H6PD: variants seen among roughly 807,000 people sequenced by gnomAD.
H6PD encodes the protein hexose-6-phosphate dehydrogenase/glucose 1-dehydrogenase.
A neutral mutation model predicts 61.2 loss-of-function variants in H6PD; 48 were observed. That is an observed-to-expected ratio of 0.78 (90% CI 0.62 to 1.00). The LOEUF is 1.00. Ranked by LOEUF, H6PD falls within the 50% of genes least tolerant of loss-of-function variation. The pLI, the probability that H6PD is intolerant of heterozygous loss-of-function variation, is 0.00. For missense variants in H6PD, 1,093 were observed against 1,065.0 expected, an observed-to-expected ratio of 1.03 and a Z score of -0.37; for synonymous variants, 480 against 457.9, an observed-to-expected ratio of 1.05 and a Z score of -0.62.
In H6PD at chr1:9,263,953, C is replaced by A; in HGVS notation, c.1460C>A (p.Thr487Asn). 1.2e-6 allele frequency: 2 copies of A among 1,614,198 alleles called. No individual in the cohort carries two copies. Among genetic ancestry groups the A allele is most frequent in the Non-Finnish European group, 1.7e-6 (2 of 1,180,010 alleles). The change falls in exon 5 of 5, where the codon ACC (threonine) becomes AAC (asparagine). Residue 487 changes from threonine (T) to asparagine (N), a missense_variant. By Grantham distance (65) the Thr-to-Asn change is moderately conservative (BLOSUM62 0). Transcript: ENST00000377403. ...TTGCTGGCCTCCTGGAACTTCTGGACCCCTCTGCTGGAGAGCCTGGCCCAT... is the reference window on the plus strand; with the variant it reads ...TTGCTGGCCTCCTGGAACTTCTGGAACCCTCTGCTGGAGAGCCTGGCCCAT... ...ENLLASWNFW[T>N]PLLESLAHKA...
intron 3 of H6PD, among the ~76,000 whole-genome samples, chr1:9,258,931 G>C (rs1269764396): frequency 1.3e-5 from 2 of 152,106 alleles, no homozygotes; most frequent in African/African-American, 4.8e-5. Context: ...TGTTATGCCA[G>C]TGTTACATTG....
intron 3 of H6PD, among the ~76,000 whole-genome samples, chr1:9,256,309 G>A (rs1435017094): frequency 1.3e-5 from 2 of 152,152 alleles, no homozygotes; most frequent in African/African-American, 4.8e-5. Flanking sequence ...GGCACAGTTG[G>A]GCTGGACTTC....
At chr1:9,257,144 CTTT>C (rs113443067) in intron 3 of H6PD, among the ~76,000 whole-genome samples, 1 of 145,654 alleles carries the variant, frequency 6.9e-6, no homozygotes. Flanking sequence ...CTTTTTCTTT[CTTT>C]TTTTTTTTTG....
intron 4 of H6PD, among the ~76,000 whole-genome samples, chr1:9,262,647 C>T (rs1047692155): frequency 1.3e-5 from 2 of 152,210 alleles, no homozygotes; most frequent in Non-Finnish European, 2.9e-5. Context: ...TAGGGTCTCC[C>T]CAGTGAGGCC....
rs761689644 is a variant in H6PD at position 9,264,342 on chromosome 1, T to C, written c.1849T>C (p.Trp617Arg). The change falls in exon 5 of 5, where the codon TGG (tryptophan) becomes CGG (arginine). Residue 617 changes from tryptophan to arginine, a missense_variant. By Grantham distance (101) the Trp-to-Arg change is moderately radical. Transcript: ENST00000377403. ...YGFPWAHTHL[W>R]LVDERCVPLS... ...CTTCCCCTGGGCCCACACGCACCTG[T>C]GGCTGGTTGACGAGCGCTGCGTCCC... 6.2e-7 allele frequency: 1 copy of C among 1,612,408 alleles called. No individual in the cohort carries two copies. Among genetic ancestry groups the C allele is most frequent in the South Asian group, 1.1e-5 (1 of 91,084 alleles).
rs1257733188 is a variant in H6PD at position 9,254,587 on chromosome 1, CACT to C, written c.746-7469_746-7467del. ...GCAGCAAAGGCTGCCTCACTGATTT[CACT>C]ACCACCAGTCCCATCCTGTTCATCT... is the stretch of plus-strand genomic sequence containing the variant. On this transcript the variant is annotated intron_variant, in intron 3 of 4. Coordinates refer to ENST00000377403, the MANE Select transcript of H6PD (RefSeq NM_004285.4). This position sits in a 1 kb window ranked among gnomAD's most constrained non-coding sequence, Gnocchi z 4.6. 6.6e-6 allele frequency among the ~76,000 whole-genome samples: 1 copy of C among 152,278 alleles called. No homozygotes were observed. Among genetic ancestry groups the C allele is most frequent in the African/African-American group, 2.4e-5 (1 of 41,564 alleles).
Position 9,263,627 on chromosome 1 carries a change from C to T in H6PD, c.1134C>T (p.Cys378=). The part of the protein sequence containing the change: ...YARILFKNQA[C]CVQSEKHWAA... ...GGATCTTGTTCAAGAACCAGGCCTG[C>T]TGTGTGCAGAGCGAAAAGCACTGGG... The change falls in exon 5 of 5, where the codon TGC becomes TGT. Residue 378 remains cysteine (C), a synonymous_variant. Coordinates refer to ENST00000377403, the MANE Select transcript of H6PD (RefSeq NM_004285.4). 1.9e-6 allele frequency: 3 copies of T among 1,614,224 alleles called. No individual in the cohort carries two copies. The highest frequency in any genetic ancestry group is 2.5e-6 in the Non-Finnish European group (3 of 1,180,016).
At position 9,266,961 on chromosome 1, in the gene H6PD, C is replaced by T. The variant is rs528991235; in HGVS notation, c.*2092C>T. 19 of 152,388 alleles carry T rather than the reference C, an allele frequency of 1.2e-4. No individual in the cohort carries two copies. The highest frequency in any genetic ancestry group is 3.4e-4 in the African/African-American group (14 of 41,574). The allele number at this position is 152,388 out of a possible 1,614,324, so 9.4% of individuals were successfully genotyped here. ...TAAGCCTCCCGAGTAGCTGCGACTACAGGCGCCGGCCAGCATGCCTGTCTA... is the reference window on the plus strand; with the variant it reads ...TAAGCCTCCCGAGTAGCTGCGACTATAGGCGCCGGCCAGCATGCCTGTCTA... On this transcript the variant is annotated 3_prime_UTR_variant, in exon 5 of 5. Transcript: ENST00000377403.
At position 9,245,447 on chromosome 1, in the gene H6PD, C is replaced by G. The variant is rs1324630805; in HGVS notation, c.513C>G (p.Val171=). The G allele has an allele frequency of 6.2e-7, 1 of 1,614,016 alleles. No homozygotes were observed. The highest frequency in any genetic ancestry group is 1.7e-5 in the Admixed American group (1 of 60,008). Residue 171 remains valine (V), a synonymous_variant, in exon 2 of 5, where the codon GTC becomes GTG. Coordinates refer to ENST00000377403, the MANE Select transcript of H6PD (RefSeq NM_004285.4). This position sits in a 1 kb window ranked among gnomAD's most constrained non-coding sequence, Gnocchi z 4.8. The part of the protein sequence containing the change: ...RPGPGAWLRV[V]LEKPFGHDHF... ...GCCCGGGCGCCTGGCTGCGGGTTGT[C>G]CTTGAGAAACCCTTTGGCCATGACC...
rs1638652303 is a variant in H6PD at position 9,268,782 on chromosome 1, C to T, written c.*3913C>T. 1.3e-5 allele frequency: 2 copies of T among 152,312 alleles called. No homozygotes were observed. Among genetic ancestry groups the T allele is most frequent in the South Asian group, 2.1e-4 (1 of 4,818 alleles). 9.4% of individuals were successfully genotyped at this position (152,312 alleles called of 1,614,324 possible). ...GTTCCCTTCCAAAATATGCAGGGCT[C>T]AGGCTCCCAATTCCGGGCCTGTCTG... On this transcript the variant is annotated 3_prime_UTR_variant, in exon 5 of 5. Transcript: ENST00000377403.
chr1:9,264,455 G>T lies in H6PD; in HGVS notation c.1962G>T (p.Met654Ile), dbSNP rs748069854. 6.2e-7 allele frequency: 1 copy of T among 1,613,186 alleles called. No individual in the cohort carries two copies. The highest frequency in any genetic ancestry group is 1.3e-5 in the African/African-American group (1 of 74,940). Residue 654 changes from methionine (M) to isoleucine (I), a missense_variant, in exon 5 of 5, where the codon ATG (methionine) becomes ATT (isoleucine). Physicochemically the swap from Met to Ile is conservative, Grantham distance 10. Transcript: ENST00000377403. ...VRIPYYNIHPMPVHLQQRLCA... is the reference protein window; with the variant it reads ...VRIPYYNIHPIPVHLQQRLCA... ...TCCCCTACTACAACATCCACCCCAT[G>T]CCTGTGCACCTGCAGCAGCGGCTCT...
At chr1:9,236,877 A>G (rs1640862819) in intron 1 of H6PD, among the ~76,000 whole-genome samples, 1 of 152,164 alleles carries the variant, frequency 6.6e-6, no homozygotes, top group Non-Finnish European at 1.5e-5. Context: ...CAGTTCTCCA[A>G]AAACTAGCCC....
intron 1 of H6PD, chr1:9,240,091 C>T (rs771938869): frequency 2.1e-4 from 211 of 996,538 alleles, no homozygotes; most frequent in Non-Finnish European, 2.7e-4. Context: ...GTGCCCAGGA[C>T]TGGGTTCACG....
intron 3 of H6PD, among the ~76,000 whole-genome samples, chr1:9,250,743 G>A (rs928062286): frequency 2.0e-5 from 3 of 152,256 alleles, no homozygotes; most frequent in South Asian, 2.1e-4. Context: ...GAGCATTCCC[G>A]GTCCAGAGCT....
rs778582813 is a variant in H6PD, at chr1:9,264,584, G to A, written c.2091G>A (p.Gly697=). The A allele has an allele frequency of 3.8e-5, 62 of 1,613,262 alleles. No homozygotes were observed. The South Asian group carries it at 6.7e-4, about 17-fold the overall frequency. Residue 697 remains glycine (G), a synonymous_variant, in exon 5 of 5, where the codon GGG becomes GGA. Coordinates refer to ENST00000377403, the MANE Select transcript of H6PD (RefSeq NM_004285.4). ...DLVLLGMGAD[G]HTASLFPQSP... is the part of the protein sequence containing the mutation. ...TGCTGCTGGGCATGGGTGCCGACGG[G>A]CACACAGCCTCCCTCTTCCCACAGT...
chr1:9,264,873 C>T lies in H6PD; in HGVS notation c.*4C>T, dbSNP rs747214939. The T allele has an allele frequency of 4.5e-5, 72 of 1,610,790 alleles. No individual in the cohort carries two copies. Among genetic ancestry groups the T allele is most frequent in the South Asian group, 3.1e-4 (28 of 91,018 alleles). On this transcript the variant is annotated 3_prime_UTR_variant, in exon 5 of 5. Coordinates refer to ENST00000377403, the MANE Select transcript of H6PD (RefSeq NM_004285.4). ...CTACGACGCCTTCCTGGGATGAGGG[C>T]GCCTGTGCCCCTTGCCCGCTTCGCT...
Position 9,266,488 on chromosome 1 carries a change from CAT to C in H6PD, c.*1620_*1621del, listed in dbSNP as rs1476817163. The C allele has an allele frequency of 2.0e-5, 3 of 152,202 alleles. No homozygotes were observed. The highest frequency in any genetic ancestry group is 1.9e-4 in the East Asian group (1 of 5,200). 9.4% of individuals were successfully genotyped at this position (152,202 alleles called of 1,614,324 possible). A position where few individuals can be genotyped will look rare whatever the true frequency, so the allele number is the denominator to read the frequency against. On this transcript the variant is annotated 3_prime_UTR_variant, in exon 5 of 5. Transcript: ENST00000377403. ...ACACCACAAAGCAAAATTCCCAGGA[CAT>C]GTGTAGTTTTGTTTGTTCAGTATCC...
intron 3 of H6PD, among the ~76,000 whole-genome samples, chr1:9,259,496 C>G (rs945582187): frequency 2.0e-5 from 3 of 148,120 alleles, no homozygotes; most frequent in Non-Finnish European, 2.9e-5. Flanking sequence ...ATTGTTGTTA[C>G]GCCAGTGTTG....
At chr1:9,238,236 G>A (rs1158490442) in intron 1 of H6PD, among the ~76,000 whole-genome samples, 1 of 152,210 alleles carries the variant, frequency 6.6e-6, no homozygotes, top group East Asian at 1.9e-4. Context: ...CAGGAGGCTG[G>A]GCGGCCAGAG....
Sources: gnomAD v4.1 joint callset for allele counts (sites outside exome capture counted in the v4.1 genomes callset) on GRCh38, gnomAD v4.1.1 for gene constraint, Gnocchi (gnomAD v3.1) non-coding constraint, MANE v1.5 for transcripts, NCBI Gene and HGNC (gene_info 2026-07-23, HGNC 2026-07-21) for gene names.